Variants in ZPR1 observed in about 807,000 individuals in gnomAD.
The protein encoded by ZPR1 is zinc finger protein ZPR1.
ZPR1 carries 37 observed loss-of-function variants against 59.6 expected under a neutral mutation model. The observed-to-expected ratio is 0.62, with a 90% CI of 0.48 to 0.82. The LOEUF is 0.82. Among genes scored for constraint, ZPR1 ranks in the 40% least tolerant of loss-of-function variants. ZPR1 has a pLI of 0.00. For missense variants in ZPR1, 527 were observed against 579.9 expected (o/e 0.91, Z 0.94); for synonymous variants, 191 against 215.2 (o/e 0.89, Z 0.99).
chr11:116,785,196 C>A, intron 6 of ZPR1, 50 bp from the exon 7 acceptor site: 1 of 1,598,814 alleles, frequency 6.3e-7, no homozygotes, highest in Non-Finnish European at 8.6e-7. Context: ...ACCTCAGTGT[C>A]CCCAACACCC....
At position 116,787,903 on chromosome 11, in the gene ZPR1, G is replaced by A. The variant is rs988665214; in HGVS notation, c.88C>T (p.His30Tyr). 89 of 1,531,490 alleles carry A rather than the reference G, an allele frequency of 5.8e-5. No individual in the cohort carries two copies. The highest frequency in any genetic ancestry group is 7.8e-5 in the Non-Finnish European group (89 of 1,142,660). 94.9% of individuals were successfully genotyped at this position (1,531,490 alleles called of 1,614,324 possible). A position where few individuals can be genotyped will look rare whatever the true frequency, so the allele number is the denominator to read the frequency against. ...TCGGCGCTGATGGGCCGGAACAGGT[G>A]ATCAGGGGCAGGCGGCGGGGCCGGG... is the stretch of plus-strand genomic sequence containing the variant. ...PAPAPPPAPD[H>Y]LFRPISAEDE... Residue 30 changes from histidine to tyrosine, a missense_variant, in exon 1 of 14, where the codon CAC becomes TAC. His to Tyr is a moderately conservative substitution (Grantham distance 83, BLOSUM62 2). Coordinates refer to ENST00000227322, the MANE Select transcript of ZPR1 (RefSeq NM_003904.5).
intron 10 of ZPR1, 101 bp from the exon 11 acceptor site, chr11:116,783,130 A>G (rs2134195654): frequency 1.2e-6 from 1 of 831,374 alleles, no homozygotes; most frequent in African/African-American, 1.7e-5. Context: ...ACTGCGGACA[A>G]GGGCAGCTGT....
At position 116,776,157 on chromosome 11, in the gene ZPR1, T is replaced by C. The variant is rs1940720134; in HGVS notation, c.*2768A>G. The C allele has an allele frequency of 1.3e-5, 2 of 152,392 alleles. No homozygotes were observed. Among genetic ancestry groups the C allele is most frequent in the South Asian group, 4.1e-4 (2 of 4,834 alleles). 9.4% of individuals were successfully genotyped at this position (152,392 alleles called of 1,614,324 possible). ...CCTGTATGTTCGTCCACACGTCTAATGACCGAACATGGCTGCATTTCACAT... is the reference window on the plus strand; with the variant it reads ...CCTGTATGTTCGTCCACACGTCTAACGACCGAACATGGCTGCATTTCACAT... On this transcript the variant is annotated 3_prime_UTR_variant, in exon 14 of 14. Coordinates refer to ENST00000227322, the MANE Select transcript of ZPR1 (RefSeq NM_003904.5).
At position 116,787,961 on chromosome 11, in the gene ZPR1, C is replaced by T. The variant is rs1443081871; in HGVS notation, c.30G>A (p.Gly10=). The change falls in exon 1 of 14, where the codon GGG becomes GGA. Residue 10 remains glycine, a synonymous_variant. Coordinates refer to ENST00000227322, the MANE Select transcript of ZPR1 (RefSeq NM_003904.5). ...ACGGGGCGACGGCAGCCCCCGGGGG[C>T]CCTGGTTCCACAGCCCCGCTGGCCG... is the stretch of plus-strand genomic sequence containing the variant. MAASGAVEP[G]PPGAAVAPSP... 3 of 1,453,292 alleles carry T rather than the reference C, an allele frequency of 2.1e-6. No homozygotes were observed. The highest frequency in any genetic ancestry group is 1.5e-5 in the African/African-American group (1 of 67,266). The allele number at this position is 1,453,292 out of a possible 1,614,324, so 90.0% of individuals were successfully genotyped here.
intron 2 of ZPR1, 162 bp from the exon 3 acceptor site, chr11:116,787,221 G>T: frequency 1.4e-6 from 1 of 701,414 alleles, no homozygotes; most frequent in Admixed American, 2.8e-5. Flanking sequence ...CAGGTGGTGT[G>T]AGCCAGGCTG....
Position 116,784,457 on chromosome 11 carries a change from C to T in ZPR1, c.821-9G>A, listed in dbSNP as rs1311804306. The T allele has an allele frequency of 3.1e-6, 5 of 1,613,942 alleles. No homozygotes were observed. The highest frequency in any genetic ancestry group is 4.2e-6 in the Non-Finnish European group (5 of 1,179,864). ...CTTAAAGTGAGGGATTTCTGGAAAA[C>T]GGAGTTAAGGAAATCTACTTCCAGG... On this transcript the variant is annotated splice_polypyrimidine_tract_variant and intron_variant, in intron 8 of 13. Transcript: ENST00000227322.
chr11:116,783,290 C>T (rs576713779), intron 10 of ZPR1, among the ~76,000 whole-genome samples: 1 of 152,242 alleles, frequency 6.6e-6, no homozygotes, highest in African/African-American at 2.4e-5. Context: ...GAGAAGAGGA[C>T]CCAGATAGAC....
intron 13 of ZPR1, among the ~76,000 whole-genome samples, chr11:116,779,480 A>C (rs185623091): frequency 6.6e-6 from 1 of 152,150 alleles, no homozygotes; most frequent in African/African-American, 2.4e-5. Context: ...ATTTCTCCTC[A>C]ATCCATAATC....
intron 9 of ZPR1, 87 bp downstream of exon 9, chr11:116,784,291 C>T (rs1024127383): frequency 4.3e-6 from 6 of 1,381,100 alleles, no homozygotes; most frequent in African/African-American, 2.8e-5. Context: ...CCCCTGCCCC[C>T]GAGTACTGAA....
chr11:116,786,558 T>A lies in ZPR1; in HGVS notation c.448A>T (p.Ile150Phe), dbSNP rs572979185. The change falls in exon 4 of 14, where the codon ATC becomes TTC. Residue 150 changes from isoleucine (I) to phenylalanine (F), a missense_variant. Ile to Phe is a conservative substitution (Grantham distance 21). Coordinates refer to ENST00000227322, the MANE Select transcript of ZPR1 (RefSeq NM_003904.5). Reference sequence around the variant, plus strand: ...TCCAGGCCAGAGATAGCACGGGTGATCAATCCTTCAACAGTGGTCAGAGCT... The same window carrying A: ...TCCAGGCCAGAGATAGCACGGGTGAACAATCCTTCAACAGTGGTCAGAGCT... ...KGALTTVEGLITRAISGLEQD... is the reference protein window; with the variant it reads ...KGALTTVEGLFTRAISGLEQD... The A allele has an allele frequency of 4.3e-6, 7 of 1,614,204 alleles. No individual in the cohort carries two copies. The East Asian group carries it at 1.6e-4, about 36-fold the overall frequency.
rs758324149 is a variant in ZPR1 at position 116,785,074 on chromosome 11, C to T, written c.753+25G>A. 7 of 1,614,070 alleles carry T rather than the reference C, an allele frequency of 4.3e-6. No homozygotes were observed. The South Asian group carries it at 7.7e-5, about 18-fold the overall frequency. ...TCTCAGCCCACAACTCTGCTCCTTCCTCACCAGTAGCCAATGTGACTCACT... is the reference window on the plus strand; with the variant it reads ...TCTCAGCCCACAACTCTGCTCCTTCTTCACCAGTAGCCAATGTGACTCACT... On this transcript the variant is annotated intron_variant, in intron 7 of 13. Transcript: ENST00000227322.
chr11:116,785,237 C>CA, intron 6 of ZPR1, 91 bp from the exon 7 acceptor site: 2 of 1,437,840 alleles, frequency 1.4e-6, no homozygotes, highest in Non-Finnish European at 1.9e-6. Context: ...GCTCAGGTGC[C>CA]ACCTCATCAG....
chr11:116,782,073 CA>C, intron 12 of ZPR1, 84 bp downstream of exon 12: 4 of 982,990 alleles, frequency 4.1e-6, no homozygotes, highest in African/African-American at 1.7e-5. Flanking sequence ...GTTAGATGTT[CA>C]AAAAGTGGCA....
chr11:116,778,989 T>A lies in ZPR1; in HGVS notation c.1316A>T (p.Glu439Val). 1 of 1,614,210 alleles carries A rather than the reference T, an allele frequency of 6.2e-7. No individual in the cohort carries two copies. Among genetic ancestry groups the A allele is most frequent in the Admixed American group, 1.7e-5 (1 of 60,024 alleles). Reference protein sequence around the residue: ...ERYKRTFDQNEELGLNDMKTE... With the variant: ...ERYKRTFDQNVELGLNDMKTE... The stretch of plus-strand genomic sequence containing the variant: ...CTTCATGTCATTGAGCCCTAGCTCC[T>A]CATTTTGGTCAAAGGTGCGCTTGTA... The change falls in exon 14 of 14, where the codon GAG becomes GTG. Residue 439 changes from glutamate to valine, a missense_variant. By Grantham distance (121) the Glu-to-Val change is moderately radical. Transcript: ENST00000227322.
intron 12 of ZPR1, 22 bp from the exon 13 acceptor site, chr11:116,779,859 G>A: frequency 1.5e-6 from 2 of 1,343,888 alleles, no homozygotes; most frequent in South Asian, 1.3e-5. Context: ...AGAGAACACA[G>A]CAAGTAAATT....
At chr11:116,784,066 T>G (rs1363032505) in intron 9 of ZPR1, among the ~76,000 whole-genome samples, 1 of 152,196 alleles carries the variant, frequency 6.6e-6, no homozygotes, top group East Asian at 1.9e-4. Flanking sequence ...ACAGCTCTAT[T>G]GAGTTCTTCA....
rs1940686769 is a variant in ZPR1 at position 116,773,965 on chromosome 11, A to G, written c.*4960T>C. The G allele has an allele frequency of 6.6e-6, 1 of 152,212 alleles. No homozygotes were observed. The highest frequency in any genetic ancestry group is 2.1e-4 in the South Asian group (1 of 4,836). The allele number at this position is 152,212 out of a possible 1,614,324, so 9.4% of individuals were successfully genotyped here. A position where few individuals can be genotyped will look rare whatever the true frequency, so the allele number is the denominator to read the frequency against. On this transcript the variant is annotated 3_prime_UTR_variant, in exon 14 of 14. Coordinates refer to ENST00000227322, the MANE Select transcript of ZPR1 (RefSeq NM_003904.5). The stretch of plus-strand genomic sequence containing the variant: ...AGTTGCTCAACTTCACATAGTCAGA[A>G]CATGACTCTAGGGAGTAGAGGCTAG...
chr11:116,787,122 A>C, intron 2 of ZPR1, 63 bp from the exon 3 acceptor site: 1 of 1,423,272 alleles, frequency 7.0e-7, no homozygotes, highest in Non-Finnish European at 9.9e-7. Context: ...TCAAGTAATA[A>C]CCAGACCGTC....
Position 116,777,059 on chromosome 11 carries a change from A to G in ZPR1, c.*1866T>C, listed in dbSNP as rs1940733048. ...CAGGTATGGAAGTTAGTCCCACATG[A>G]TAGTAAGATGCCAAAGAATCTGATA... On this transcript the variant is annotated 3_prime_UTR_variant, in exon 14 of 14. Coordinates refer to ENST00000227322, the MANE Select transcript of ZPR1 (RefSeq NM_003904.5). 6.6e-6 allele frequency: 1 copy of G among 152,222 alleles called. No homozygotes were observed. The allele number at this position is 152,222 out of a possible 1,614,324, so 9.4% of individuals were successfully genotyped here.
Sources: allele counts gnomAD v4.1 joint callset (sites outside exome capture counted in the v4.1 genomes callset), GRCh38; gene constraint gnomAD v4.1.1; transcripts MANE v1.5; gene names NCBI Gene and HGNC (gene_info 2026-07-23, HGNC 2026-07-21).